The following ZFP36L1 variants were observed in gnomAD, a reference collection of about 807,000 sequenced individuals.
The protein encoded by ZFP36L1 is ZFP36 like 1 zinc finger CCCH-type.
In ZFP36L1, 4 loss-of-function variants were observed where a neutral mutation model predicts 16.7. The observed-to-expected ratio is 0.24, with a 90% confidence interval of 0.12 to 0.55. The LOEUF (loss-of-function observed/expected upper bound fraction) is 0.55, where lower values mean the gene tolerates loss of function less well. ZFP36L1 is among the 20% of genes least tolerant of loss of function. The pLI is 0.94. For missense variants in ZFP36L1, 311 were observed against 449.2 expected, an observed-to-expected ratio of 0.69 and a Z score of 2.78; for synonymous variants, 220 against 190.8, an observed-to-expected ratio of 1.15 and a Z score of -1.26.
In ZFP36L1 at chr14:68,789,320, G is replaced by A. The variant is rs2140208620; in HGVS notation, c.*213C>T. The A allele has an allele frequency of 1.6e-6, 1 of 638,042 alleles. No homozygotes were observed. The highest frequency in any genetic ancestry group is 2.9e-5 in the East Asian group (1 of 34,818). 39.5% of individuals were successfully genotyped at this position (638,042 alleles called of 1,614,324 possible). A position where few individuals can be genotyped will look rare whatever the true frequency, so the allele number is the denominator to read the frequency against. The stretch of plus-strand genomic sequence containing the variant: ...AATCCAGGGAGGGGGTTTCAAGCCA[G>A]AAGAAGCTACTGACAAATTGACTTG... On this transcript the variant is annotated 3_prime_UTR_variant, in exon 2 of 2. Transcript: ENST00000439696. The surrounding 1 kb of genome is among the most constrained non-coding windows in gnomAD (Gnocchi z 4.5).
upstream of ZFP36L1, among the ~76,000 whole-genome samples, chr14:68,795,053 A>C (rs1251258758): frequency 6.6e-6 from 1 of 152,104 alleles, no homozygotes; most frequent in Non-Finnish European, 1.5e-5. Context: ...CCAGAAAGGG[A>C]AATAACTTCC....
At chr14:68,793,531 G>A (rs1280781857), upstream of ZFP36L1, 3 of 986,006 alleles carry the variant, frequency 3.0e-6, no homozygotes, top group Non-Finnish European at 3.6e-6. Context: ...GCAGGAAGGC[G>A]GGCTCGACTT....
upstream of ZFP36L1, among the ~76,000 whole-genome samples, chr14:68,794,986 T>C (rs1426298349): frequency 6.6e-6 from 1 of 152,176 alleles, no homozygotes; most frequent in East Asian, 1.9e-4. Flanking sequence ...CCTCCAGCCG[T>C]CTGTTGCTTC....
chr14:68,792,775 G>T (rs1594718435), intron 1 of ZFP36L1, 107 bp downstream of exon 1: 9 of 1,458,826 alleles, frequency 6.2e-6, no homozygotes, highest in Non-Finnish European at 8.6e-6. Context: ...GAATCATCTC[G>T]CTGCACCACT....
chr14:68,791,266 G>A (rs1895061843), intron 1 of ZFP36L1: 5 of 551,670 alleles, frequency 9.1e-6, no homozygotes, highest in Admixed American at 6.6e-5. Flanking sequence ...GCAAGAGCAA[G>A]CTTGGATAAG....
At chr14:68,793,859 C>G, upstream of ZFP36L1, 5 of 973,496 alleles carry the variant, frequency 5.1e-6, no homozygotes, top group Non-Finnish European at 6.1e-6. Context: ...GAGCGCGGCA[C>G]AATTTAGTGC....
At chr14:68,791,128 T>C (rs2140210284) in intron 1 of ZFP36L1, 1 of 692,152 alleles carries the variant, frequency 1.4e-6, no homozygotes, top group South Asian at 1.5e-5. Flanking sequence ...TTCCTGAAAA[T>C]AAAACTCTTT....
rs1415489168 is a variant in ZFP36L1 at position 68,788,355 on chromosome 14, G to A, written c.*1178C>T. ...AAAAGCATAGTTTGGCAATAAATAC[G>A]TTTTGATAAGTTAAATAAGCTTTTT... On this transcript the variant is annotated 3_prime_UTR_variant, in exon 2 of 2. Coordinates refer to ENST00000439696, the MANE Select transcript of ZFP36L1 (RefSeq NM_004926.4). The A allele has an allele frequency of 1.3e-5, 2 of 152,552 alleles. No homozygotes were observed. Among genetic ancestry groups the A allele is most frequent in the African/African-American group, 2.4e-5 (1 of 41,412 alleles). 9.4% of individuals were successfully genotyped at this position (152,552 alleles called of 1,614,324 possible). A position where few individuals can be genotyped will look rare whatever the true frequency, so the allele number is the denominator to read the frequency against.
intron 1 of ZFP36L1, chr14:68,790,927 A>G: frequency 1.6e-6 from 1 of 613,664 alleles, no homozygotes; most frequent in Non-Finnish European, 2.9e-6. Flanking sequence ...ATCATAGGCT[A>G]CGTTAGGTCC....
chr14:68,789,903 G>A lies in ZFP36L1; in HGVS notation c.647C>T (p.Ala216Val). 6.2e-7 allele frequency: 1 copy of A among 1,609,284 alleles called. No individual in the cohort carries two copies. The stretch of plus-strand genomic sequence containing the variant: ...CGTGGGGCTGTCCAGCAGCCCGGTG[G>A]CAGCGGCGGTGGCAGCGGCACTGGG... ...GFPSAAATAA[A>V]TGLLDSPTSI... The change falls in exon 2 of 2, where the codon GCC becomes GTC. Residue 216 changes from alanine to valine, a missense_variant. Around this residue, in one of 4 missense-constraint regions of ZFP36L1, gnomAD observed 147 missense variants for 192.0 expected, o/e 0.77. Transcript: ENST00000439696. The surrounding 1 kb of genome is among the most constrained non-coding windows in gnomAD (Gnocchi z 4.5).
At chr14:68,791,552 G>C (rs1011600476) in intron 1 of ZFP36L1, among the ~76,000 whole-genome samples, 1 of 151,948 alleles carries the variant, frequency 6.6e-6, no homozygotes, top group South Asian at 2.1e-4. Flanking sequence ...AGGATCAGCA[G>C]GGGGGGACCG....
Position 68,789,133 on chromosome 14 carries a change from A to C in ZFP36L1, c.*400T>G. The C allele has an allele frequency of 5.6e-6, 1 of 177,866 alleles. No homozygotes were observed. 11.0% of individuals were successfully genotyped at this position (177,866 alleles called of 1,614,324 possible). On this transcript the variant is annotated 3_prime_UTR_variant, in exon 2 of 2. Coordinates refer to ENST00000439696, the MANE Select transcript of ZFP36L1 (RefSeq NM_004926.4). This position sits in a 1 kb window ranked among gnomAD's most constrained non-coding sequence, Gnocchi z 4.5. ...CCCTCTGGCGCTGAAGAGGTAATGT[A>C]GTCACAGTGACAAAGTTAGATTACA...
Position 68,789,590 on chromosome 14 carries a change from G to A in ZFP36L1, c.960C>T (p.Thr320=), listed in dbSNP as rs1462214960. Residue 320 remains threonine (T), a synonymous_variant, in exon 2 of 2, where the codon ACC becomes ACT. Coordinates refer to ENST00000439696, the MANE Select transcript of ZFP36L1 (RefSeq NM_004926.4). This position sits in a 1 kb window ranked among gnomAD's most constrained non-coding sequence, Gnocchi z 4.5. Reference sequence around the variant, plus strand: ...TGGGCAGGCGTCTTGAGTTGTCCAAGGTCGGGGAGTCTGAGCCACTGTGGC... The same window carrying A: ...TGGGCAGGCGTCTTGAGTTGTCCAAAGTCGGGGAGTCTGAGCCACTGTGGC... ...SSSHSGSDSP[T]LDNSRRLPIF... is the part of the protein sequence containing the mutation. 1.9e-6 allele frequency: 3 copies of A among 1,613,934 alleles called. No individual in the cohort carries two copies. The highest frequency in any genetic ancestry group is 1.3e-5 in the African/African-American group (1 of 75,020).
At position 68,790,067 on chromosome 14, in the gene ZFP36L1, G is replaced by A. The variant is rs1260727733; in HGVS notation, c.483C>T (p.Phe161=). The change falls in exon 2 of 2, where the codon TTC becomes TTT. Residue 161 remains phenylalanine, a synonymous_variant. Transcript: ENST00000439696. The part of the protein sequence containing the change: ...PKYKTELCRT[F]HTIGFCPYGP... ...CGTAGGGGCAAAAGCCGATGGTGTG[G>A]AAGGTGCGGCACAGCTCCGTCTTGT... 1.2e-6 allele frequency: 2 copies of A among 1,611,340 alleles called. No homozygotes were observed. Among genetic ancestry groups the A allele is most frequent in the East Asian group, 2.2e-5 (1 of 44,864 alleles).
At chr14:68,794,059 G>T, upstream of ZFP36L1, 1 of 524,350 alleles carries the variant, frequency 1.9e-6, no homozygotes, top group Non-Finnish European at 2.4e-6. Context: ...CTTCCTGAAT[G>T]CCCCTTCCTC....
Position 68,789,485 on chromosome 14 carries a change from G to A in ZFP36L1, c.*48C>T, listed in dbSNP as rs1008337949. ...AGGGAGAAGAGGGTATGGGATGTGG[G>A]TGCAGGGTAGGGGCTGGAGTAGGCA... On this transcript the variant is annotated 3_prime_UTR_variant, in exon 2 of 2. Coordinates refer to ENST00000439696, the MANE Select transcript of ZFP36L1 (RefSeq NM_004926.4). This position sits in a 1 kb window ranked among gnomAD's most constrained non-coding sequence, Gnocchi z 4.5. 6.2e-7 allele frequency: 1 copy of A among 1,610,602 alleles called. No individual in the cohort carries two copies. The highest frequency in any genetic ancestry group is 8.5e-7 in the Non-Finnish European group (1 of 1,179,114).
chr14:68,788,617 AT>A lies in ZFP36L1; in HGVS notation c.*915del, dbSNP rs35846159. 0.24 allele frequency: 35,508 copies of A among 146,936 alleles called. 4,569 individuals are homozygous for A. Among genetic ancestry groups the A allele is most frequent in the Admixed American group, 0.31 (4,565 of 14,810 alleles). 9.1% of individuals were successfully genotyped at this position (146,936 alleles called of 1,614,324 possible). A position where few individuals can be genotyped will look rare whatever the true frequency, so the allele number is the denominator to read the frequency against. On this transcript the variant is annotated 3_prime_UTR_variant, in exon 2 of 2. Coordinates refer to ENST00000439696, the MANE Select transcript of ZFP36L1 (RefSeq NM_004926.4). ...CTTTTTTTTTTTTAGCTTTTCTCTC[AT>A]TTTTTTTTTGTTGTTATTTTTTTTA...
At chr14:68,792,654 C>T (rs1021015641) in intron 1 of ZFP36L1, among the ~76,000 whole-genome samples, 1 of 152,102 alleles carries the variant, frequency 6.6e-6, no homozygotes, top group African/African-American at 2.4e-5. Context: ...CCCCTCAAAA[C>T]CCTGGCCTCC....
At position 68,789,722 on chromosome 14, in the gene ZFP36L1, G is replaced by C. The variant is rs1186026029; in HGVS notation, c.828C>G (p.Thr276=). The C allele has an allele frequency of 3.1e-6, 5 of 1,613,986 alleles. No individual in the cohort carries two copies. In the South Asian group the frequency reaches 5.5e-5, roughly 18 times the overall value. ...MGLPGGGSPT[T]FLFRPMSESP... ...ACTCGGACATGGGCCGGAAGAGGAA[G>C]GTGGTCGGGGAGCCACCCCCGGGCA... Residue 276 remains threonine, a synonymous_variant, in exon 2 of 2, where the codon ACC becomes ACG. Coordinates refer to ENST00000439696, the MANE Select transcript of ZFP36L1 (RefSeq NM_004926.4). This position sits in a 1 kb window ranked among gnomAD's most constrained non-coding sequence, Gnocchi z 4.5.
Sources: allele counts gnomAD v4.1 joint callset (sites outside exome capture counted in the v4.1 genomes callset), GRCh38; gene constraint gnomAD v4.1.1; regional missense constraint gnomAD v4.1.1; non-coding constraint Gnocchi (gnomAD v3.1); transcripts MANE v1.5; gene names NCBI Gene and HGNC (gene_info 2026-07-23, HGNC 2026-07-21).